TDRD3: variants seen among roughly 807,000 people sequenced by gnomAD.
TDRD3 encodes tudor domain-containing protein 3.
In TDRD3, 45 loss-of-function variants were observed where a neutral mutation model predicts 86.7. That is an observed-to-expected ratio of 0.52 (90% CI 0.41 to 0.67). The LOEUF (loss-of-function observed/expected upper bound fraction) is 0.67. TDRD3 is among the 30% of genes least tolerant of loss of function. TDRD3 has a pLI of 0.00. For missense variants in TDRD3, 814 were observed against 889.0 expected (o/e 0.92, Z 1.07); for synonymous variants, 298 against 301.7 (o/e 0.99, Z 0.13).
Position 60,535,103 on chromosome 13 carries a change from C to T in TDRD3, c.1993-5C>T. 1 of 1,613,082 alleles carries T rather than the reference C, an allele frequency of 6.2e-7. No homozygotes were observed. ...TCATATTTAAAACTCCTTTTGCCTC[C>T]TCAGTTTTACCGGGCAGAAGTTGAA... is the stretch of plus-strand genomic sequence containing the variant. On this transcript the variant is annotated splice_region_variant and splice_polypyrimidine_tract_variant and intron_variant, in intron 11 of 13. Coordinates refer to ENST00000377881, the MANE Select transcript of TDRD3 (RefSeq NM_001146070.2).
At chr13:60,566,041 G>C (rs1054666244) in intron 12 of TDRD3, among the ~76,000 whole-genome samples, 1 of 152,152 alleles carries the variant, frequency 6.6e-6, no homozygotes, top group African/African-American at 2.4e-5. Flanking sequence ...TATATTGTCA[G>C]ATTTCTGCAT....
intron 1 of TDRD3, among the ~76,000 whole-genome samples, chr13:60,415,964 T>G (rs957498331): frequency 1.3e-5 from 2 of 152,214 alleles, no homozygotes; most frequent in Non-Finnish European, 2.9e-5. Flanking sequence ...GTCAGTGTCC[T>G]TGACTTGTCT....
At chr13:60,562,544 GCTAAAC>G (rs1440443237) in intron 12 of TDRD3, among the ~76,000 whole-genome samples, 1 of 152,094 alleles carries the variant, frequency 6.6e-6, no homozygotes, top group African/African-American at 2.4e-5. Context: ...ATACATACAA[GCTAAAC>G]ACCTCAGGCA....
intron 10 of TDRD3, among the ~76,000 whole-genome samples, chr13:60,524,272 G>A (rs1050467379): frequency 4.5e-4 from 68 of 152,106 alleles, no homozygotes; most frequent in African/African-American, 1.4e-3. Flanking sequence ...TAGGGAGACC[G>A]AGGGCGGGTG....
At chr13:60,469,798 G>T (rs1329564020) in intron 5 of TDRD3, among the ~76,000 whole-genome samples, 1 of 152,168 alleles carries the variant, frequency 6.6e-6, no homozygotes, top group Non-Finnish European at 1.5e-5. Context: ...GTTGGTGCCA[G>T]ATGTAATTTA....
chr13:60,421,534 C>A (rs1355279516), intron 1 of TDRD3, among the ~76,000 whole-genome samples: 1 of 152,146 alleles, frequency 6.6e-6, no homozygotes, highest in East Asian at 1.9e-4. Context: ...TGTCTATTTG[C>A]TGAAGAAAAT....
At chr13:60,421,418 C>T (rs760793209) in intron 1 of TDRD3, among the ~76,000 whole-genome samples, 1 of 152,194 alleles carries the variant, frequency 6.6e-6, no homozygotes, top group Non-Finnish European at 1.5e-5. Flanking sequence ...TTACTTCCCA[C>T]TGGGTCCCTC....
chr13:60,534,253 C>T (rs1314752972), intron 11 of TDRD3, among the ~76,000 whole-genome samples: 1 of 152,162 alleles, frequency 6.6e-6, no homozygotes, highest in Non-Finnish European at 1.5e-5. Context: ...TTTGAGGTTG[C>T]AGTGAGCTAT....
chr13:60,488,785 G>A (rs1300712652), intron 7 of TDRD3, among the ~76,000 whole-genome samples: 1 of 151,970 alleles, frequency 6.6e-6, no homozygotes. Flanking sequence ...CACCATGTTG[G>A]CCAGGCTGGT....
At chr13:60,517,559 ATG>A (rs1957201476) in intron 10 of TDRD3, among the ~76,000 whole-genome samples, 1 of 152,192 alleles carries the variant, frequency 6.6e-6, no homozygotes, top group African/African-American at 2.4e-5. Context: ...AGCAGAAGAA[ATG>A]TGTAGCTATC....
At chr13:60,414,815 TTTCAATTGAGCA>T (rs1464034432) in intron 1 of TDRD3, among the ~76,000 whole-genome samples, 1 of 152,078 alleles carries the variant, frequency 6.6e-6, no homozygotes, top group Non-Finnish European at 1.5e-5. Flanking sequence ...CCTTCATTGG[TTTCAATTGAGCA>T]TTCCTATCAC....
chr13:60,513,119 A>G (rs1267698234), intron 10 of TDRD3, among the ~76,000 whole-genome samples: 1 of 152,108 alleles, frequency 6.6e-6, no homozygotes, highest in Non-Finnish European at 1.5e-5. Flanking sequence ...ACTTCTGTGC[A>G]CTCATAGGCT....
At chr13:60,440,768 T>TAGAA in intron 2 of TDRD3, among the ~76,000 whole-genome samples, 1 of 152,278 alleles carries the variant, frequency 6.6e-6, no homozygotes, top group South Asian at 2.1e-4. Flanking sequence ...TAATAAGCTA[T>TAGAA]AAACAATCAA....
intron 1 of TDRD3, among the ~76,000 whole-genome samples, chr13:60,406,116 C>G (rs1321425717): frequency 1.3e-5 from 2 of 152,104 alleles, no homozygotes; most frequent in Admixed American, 6.5e-5. Context: ...TTTAAGTCAT[C>G]TAAAATAAGA....
intron 1 of TDRD3, among the ~76,000 whole-genome samples, chr13:60,437,639 A>C (rs1306146505): frequency 2.0e-5 from 3 of 151,218 alleles, no homozygotes; most frequent in African/African-American, 4.8e-5. Context: ...AATTTAAATT[A>C]ATTAATCTAT....
At position 60,444,743 on chromosome 13, in the gene TDRD3, GA is replaced by G; in HGVS notation, c.191del (p.Lys64SerfsTer36). The G allele has an allele frequency of 3.4e-6, 5 of 1,478,220 alleles. No individual in the cohort carries two copies. Among genetic ancestry groups the G allele is most frequent in the Non-Finnish European group, 3.6e-6 (4 of 1,100,474 alleles). 91.6% of individuals were successfully genotyped at this position (1,478,220 alleles called of 1,614,324 possible). A position where few individuals can be genotyped will look rare whatever the true frequency, so the allele number is the denominator to read the frequency against. On this transcript the variant is annotated frameshift_variant, in exon 3 of 14. Coordinates refer to ENST00000377881, the MANE Select transcript of TDRD3 (RefSeq NM_001146070.2). LOFTEE classifies it high-confidence loss of function. Reference protein sequence around the residue: ...LPSDINSGKVEKLEGPCVLQI... With the variant: ...LPSDINSGKVXKLEGPCVLQI... ...CAGTGACATCAATAGTGGAAAGGTA[GA>G]AAAGGTAAAGAAAATCAATAACTTC...
intron 7 of TDRD3, among the ~76,000 whole-genome samples, chr13:60,489,259 A>G (rs1327143673): frequency 6.6e-6 from 1 of 152,136 alleles, no homozygotes; most frequent in Non-Finnish European, 1.5e-5. Flanking sequence ...TTTCTTTTAG[A>G]CTGATAAGAA....
At chr13:60,544,319 C>G (rs961787910) in intron 12 of TDRD3, among the ~76,000 whole-genome samples, 2 of 151,454 alleles carry the variant, frequency 1.3e-5, no homozygotes, top group Non-Finnish European at 2.9e-5. Flanking sequence ...TGGTATGAAC[C>G]TATAGTCCCA....
intron 12 of TDRD3, among the ~76,000 whole-genome samples, chr13:60,546,045 G>A (rs911469263): frequency 4.6e-5 from 7 of 152,056 alleles, no homozygotes; most frequent in African/African-American, 7.2e-5. Flanking sequence ...CTCAAATGAA[G>A]TCTAAATAAA....
Sources: gnomAD v4.1 joint callset for allele counts (sites outside exome capture counted in the v4.1 genomes callset) on GRCh38, gnomAD v4.1.1 for gene constraint, MANE v1.5 for transcripts, NCBI Gene and HGNC (gene_info 2026-07-23, HGNC 2026-07-21) for gene names.